The following DNAJC5B variants were observed in gnomAD, a reference collection of about 807,000 sequenced individuals.
DNAJC5B encodes the protein dnaJ homolog subfamily C member 5B.
In DNAJC5B, 23 loss-of-function variants were observed where a neutral mutation model predicts 24.7. The ratio of observed to expected loss-of-function variants is 0.93; its 90% CI spans 0.67 to 1.32. The LOEUF is 1.32. Among genes scored for constraint, DNAJC5B ranks in the 40% most tolerant of loss-of-function variants. The pLI is 0.00. For missense variants in DNAJC5B, 238 were observed against 240.8 expected (o/e 0.99, Z 0.08); for synonymous variants, 101 against 90.1 (o/e 1.12, Z -0.68).
chr8:66,032,287 C>A (rs1806376042), intron 1 of DNAJC5B, among the ~76,000 whole-genome samples: 1 of 152,254 alleles, frequency 6.6e-6, no homozygotes. Flanking sequence ...CGCTGGCCAA[C>A]ACTCAGGGCA....
chr8:66,099,065 A>ACACAC (rs1563615795), intron 5 of DNAJC5B, among the ~76,000 whole-genome samples: 9 of 127,936 alleles, frequency 7.0e-5, no homozygotes, highest in African/African-American at 3.4e-4. Context: ...CACACACACA[A>ACACAC]CTTCTATTTC....
intron 3 of DNAJC5B, 39 bp from the exon 4 acceptor site, chr8:66,076,621 A>T: frequency 6.2e-7 from 1 of 1,608,778 alleles, no homozygotes; most frequent in Non-Finnish European, 8.5e-7. Context: ...CATTCTTGTC[A>T]AATAACACAC....
At chr8:66,057,244 G>A (rs1318019003) in intron 3 of DNAJC5B, 3 of 152,010 alleles carry the variant, frequency 2.0e-5, no homozygotes, top group African/African-American at 4.8e-5. Context: ...GAAGAAATAG[G>A]AATTAACAAA....
chr8:66,023,646 T>C (rs547454444), intron 1 of DNAJC5B, among the ~76,000 whole-genome samples: 1 of 152,224 alleles, frequency 6.6e-6, no homozygotes, highest in Non-Finnish European at 1.5e-5. Flanking sequence ...TACCCTTGAA[T>C]GTACAGATGA....
At chr8:66,019,828 T>C (rs181664587), upstream of DNAJC5B, among the ~76,000 whole-genome samples, 99 of 152,370 alleles carry the variant, frequency 6.5e-4, 1 homozygote, top group Admixed American at 5.7e-3. Context: ...AAAAAACCTC[T>C]TGTAGCTAAA....
intron 5 of DNAJC5B, among the ~76,000 whole-genome samples, chr8:66,083,323 T>G (rs921919661): frequency 6.6e-6 from 1 of 152,266 alleles, no homozygotes; most frequent in Non-Finnish European, 1.5e-5. Flanking sequence ...TTTGAAATAT[T>G]TTCTATGAAA....
At chr8:66,048,824 G>T (rs1241690732) in intron 2 of DNAJC5B, among the ~76,000 whole-genome samples, 1 of 152,094 alleles carries the variant, frequency 6.6e-6, no homozygotes, top group Admixed American at 6.5e-5. Flanking sequence ...CCTTTTCTGC[G>T]AGGCCATCCC....
At position 66,101,054 on chromosome 8, in the gene DNAJC5B, T is replaced by C. The variant is rs1424835880; in HGVS notation, c.*1023T>C. ...GTTCGTTTTTCTAGCTCTTTCTTACTTTTTTATATAATATTGCATTTTCAA... is the reference window on the plus strand; with the variant it reads ...GTTCGTTTTTCTAGCTCTTTCTTACCTTTTTATATAATATTGCATTTTCAA... On this transcript the variant is annotated 3_prime_UTR_variant, in exon 6 of 6. Transcript: ENST00000276570. Among the ~76,000 whole-genome samples the C allele has an allele frequency of 2.0e-5, 3 of 152,342 alleles. No individual in the cohort carries two copies. In the East Asian group the frequency reaches 5.8e-4, roughly 29 times the overall value.
chr8:66,058,899 CT>C (rs199984647), intron 3 of DNAJC5B, among the ~76,000 whole-genome samples: 67 of 151,492 alleles, frequency 4.4e-4, no homozygotes, highest in African/African-American at 1.2e-3. Context: ...GAAATGAGAT[CT>C]TTTTTTTTCA....
At chr8:66,044,208 T>G (rs1806677582) in intron 2 of DNAJC5B, among the ~76,000 whole-genome samples, 1 of 152,198 alleles carries the variant, frequency 6.6e-6, no homozygotes, top group Admixed American at 6.5e-5. Context: ...TTCATTTAGC[T>G]TTAAGATACA....
chr8:66,080,790 T>TGAA (rs1334546884), intron 5 of DNAJC5B, among the ~76,000 whole-genome samples: 2 of 152,142 alleles, frequency 1.3e-5, no homozygotes, highest in Non-Finnish European at 2.9e-5. Flanking sequence ...ATGCTGATGA[T>TGAA]GAATCAAAGG....
intron 3 of DNAJC5B, among the ~76,000 whole-genome samples, chr8:66,058,283 G>C (rs944751944): frequency 1.3e-5 from 2 of 151,950 alleles, no homozygotes; most frequent in Non-Finnish European, 2.9e-5. Flanking sequence ...TTCTTTAAAG[G>C]CTGTCTTTTT....
chr8:66,090,037 T>C (rs1324601025), intron 5 of DNAJC5B, among the ~76,000 whole-genome samples: 1 of 152,174 alleles, frequency 6.6e-6, no homozygotes, highest in Non-Finnish European at 1.5e-5. Context: ...CCAACTTATT[T>C]CCCTTACTTT....
intron 5 of DNAJC5B, among the ~76,000 whole-genome samples, chr8:66,086,110 C>A (rs1419558357): frequency 6.6e-6 from 1 of 152,080 alleles, no homozygotes; most frequent in East Asian, 1.9e-4. Context: ...CAAGTATTTA[C>A]AATTTCTTTT....
chr8:66,052,227 G>T (rs532578207), intron 3 of DNAJC5B, among the ~76,000 whole-genome samples: 58 of 151,508 alleles, frequency 3.8e-4, no homozygotes, highest in Admixed American at 1.2e-3. Context: ...CAAAGTGCTG[G>T]GATTACAGGC....
In DNAJC5B at chr8:66,043,563, G is replaced by A. The variant is rs548537802; in HGVS notation, c.-66G>A. 1.3e-5 allele frequency: 2 copies of A among 152,240 alleles called. No individual in the cohort carries two copies. The highest frequency in any genetic ancestry group is 2.1e-4 in the South Asian group (1 of 4,832). The allele number at this position is 152,240 out of a possible 1,614,324, so 9.4% of individuals were successfully genotyped here. A position where few individuals can be genotyped will look rare whatever the true frequency, so the allele number is the denominator to read the frequency against. On this transcript the variant is annotated 5_prime_UTR_variant, in exon 2 of 6. Coordinates refer to ENST00000276570, the MANE Select transcript of DNAJC5B (RefSeq NM_033105.6). ...TATTGACCTGCTTAACCCTGCATGG[G>A]GGGGAAGGATGGAAAGGAGCAGCTG...
intron 1 of DNAJC5B, among the ~76,000 whole-genome samples, chr8:66,032,123 T>C (rs1193335639): frequency 1.3e-5 from 2 of 152,250 alleles, no homozygotes; most frequent in African/African-American, 4.8e-5. Context: ...GCAGCACAGC[T>C]AGTAAATGGC....
chr8:66,053,808 T>A (rs1305001961), intron 3 of DNAJC5B, among the ~76,000 whole-genome samples: 6 of 152,162 alleles, frequency 3.9e-5, no homozygotes, highest in Non-Finnish European at 5.9e-5. Context: ...TTTGTATTTT[T>A]AGTAGAGACG....
chr8:66,058,413 C>T (rs113508854), intron 3 of DNAJC5B, among the ~76,000 whole-genome samples: 2,390 of 152,218 alleles, frequency 0.016, 54 homozygotes, highest in African/African-American at 0.054. Flanking sequence ...TGTCCTGATC[C>T]CAAACTCCTG....
Sources: allele counts gnomAD v4.1 joint callset (sites outside exome capture counted in the v4.1 genomes callset), GRCh38; gene constraint gnomAD v4.1.1; transcripts MANE v1.5; gene names NCBI Gene and HGNC (gene_info 2026-07-23, HGNC 2026-07-21).